AK5: variants seen among roughly 807,000 people sequenced by gnomAD.
AK5 encodes the protein adenylate kinase isoenzyme 5.
In AK5, 27 loss-of-function variants were observed where a neutral mutation model predicts 69.5. The observed-to-expected ratio is 0.39, with a 90% CI of 0.29 to 0.54. The LOEUF (loss-of-function observed/expected upper bound fraction) is 0.54, where lower values mean the gene tolerates loss of function less well. Among genes scored for constraint, AK5 ranks in the 20% least tolerant of loss-of-function variants. The pLI, the probability that AK5 is intolerant of heterozygous loss-of-function variation, is 0.71. For synonymous variants in AK5, 260 were observed against 244.4 expected (o/e 1.06, Z -0.60); for missense variants, 531 against 700.4 (o/e 0.76, Z 2.73).
At chr1:77,403,535 A>G (rs1649393433) in intron 6 of AK5, among the ~76,000 whole-genome samples, 1 of 152,188 alleles carries the variant, frequency 6.6e-6, no homozygotes, top group African/African-American at 2.4e-5. Flanking sequence ...TCTTCCCAGC[A>G]CCATTTATTA....
chr1:77,440,772 G>A (rs977248197), intron 8 of AK5, among the ~76,000 whole-genome samples: 2 of 150,624 alleles, frequency 1.3e-5, no homozygotes, highest in African/African-American at 2.5e-5. Context: ...TGTTTTTTGA[G>A]ACAGTCTCAC....
At chr1:77,496,103 G>A (rs1656299504) in intron 10 of AK5, among the ~76,000 whole-genome samples, 1 of 152,206 alleles carries the variant, frequency 6.6e-6, no homozygotes, top group Non-Finnish European at 1.5e-5. Context: ...AGAGGCACAG[G>A]CAATGGGGAG....
In AK5 at chr1:77,417,721, TA is replaced by T. The variant is rs766870364; in HGVS notation, c.1059+10del. 1 of 1,552,960 alleles carries T rather than the reference TA, an allele frequency of 6.4e-7. No homozygotes were observed. Among genetic ancestry groups the T allele is most frequent in the Non-Finnish European group, 8.9e-7 (1 of 1,129,834 alleles). ...GATCTGATTATGAAGATCAGGTAAT[TA>T]AAATCTGAAAATAGTTCTCTATTTA... On this transcript the variant is annotated splice_region_variant and intron_variant, in intron 8 of 13. Coordinates refer to ENST00000354567, the MANE Select transcript of AK5 (RefSeq NM_174858.3).
intron 7 of AK5, among the ~76,000 whole-genome samples, chr1:77,415,460 G>A (rs1183006764): frequency 1.3e-5 from 2 of 152,126 alleles, no homozygotes; most frequent in African/African-American, 4.8e-5. Flanking sequence ...GAATCCAATA[G>A]CTATCACCAC....
intron 8 of AK5, among the ~76,000 whole-genome samples, chr1:77,421,251 A>T (rs893763685): frequency 3.9e-5 from 6 of 152,102 alleles, no homozygotes; most frequent in Non-Finnish European, 7.4e-5. Context: ...TCAGACAACT[A>T]TATTATTATT....
intron 10 of AK5, among the ~76,000 whole-genome samples, chr1:77,510,829 C>G (rs965229227): frequency 2.6e-5 from 4 of 151,804 alleles, no homozygotes; most frequent in African/African-American, 9.7e-5. Context: ...TACTCAGATA[C>G]CATAGAGCCT....
chr1:77,367,160 T>C (rs976602261), intron 6 of AK5, among the ~76,000 whole-genome samples: 1 of 151,982 alleles, frequency 6.6e-6, no homozygotes, highest in Non-Finnish European at 1.5e-5. Flanking sequence ...ATTAATATAG[T>C]ATATGGGTTG....
At chr1:77,413,222 T>C (rs1048561691) in intron 7 of AK5, among the ~76,000 whole-genome samples, 1 of 152,070 alleles carries the variant, frequency 6.6e-6, no homozygotes, top group Non-Finnish European at 1.5e-5. Context: ...TCAAGTTCCT[T>C]CCTGCCTTAG....
intron 6 of AK5, among the ~76,000 whole-genome samples, chr1:77,371,698 C>T (rs1647125146): frequency 6.6e-6 from 1 of 152,078 alleles, no homozygotes; most frequent in Non-Finnish European, 1.5e-5. Flanking sequence ...TCCTCCTCTA[C>T]AGGTTATTAG....
At chr1:77,515,748 A>AT (rs1362872433) in intron 10 of AK5, among the ~76,000 whole-genome samples, 1 of 152,226 alleles carries the variant, frequency 6.6e-6, no homozygotes, top group Non-Finnish European at 1.5e-5. Context: ...GACCTTGATC[A>AT]TTAAAAAAAA....
At chr1:77,509,872 C>A (rs144017915) in intron 10 of AK5, among the ~76,000 whole-genome samples, 1 of 152,140 alleles carries the variant, frequency 6.6e-6, no homozygotes, top group African/African-American at 2.4e-5. Context: ...CCTCATTTTG[C>A]AGATAATAAT....
At chr1:77,390,202 T>A (rs1025641096) in intron 6 of AK5, among the ~76,000 whole-genome samples, 12 of 152,226 alleles carry the variant, frequency 7.9e-5, no homozygotes, top group African/African-American at 2.9e-4. Context: ...CTGACATTCC[T>A]ACCCAGGTAA....
chr1:77,464,902 A>C (rs970873693), intron 8 of AK5, among the ~76,000 whole-genome samples: 11 of 152,096 alleles, frequency 7.2e-5, no homozygotes, highest in African/African-American at 2.7e-4. Context: ...ATTTAGGAGA[A>C]CAAGGGAGAG....
chr1:77,311,272 G>C (rs1349921174), intron 5 of AK5, among the ~76,000 whole-genome samples: 5 of 152,046 alleles, frequency 3.3e-5, no homozygotes, highest in Admixed American at 2.0e-4. Flanking sequence ...TTGTGTCATG[G>C]ATATTCAGAA....
intron 12 of AK5, among the ~76,000 whole-genome samples, chr1:77,534,454 C>A (rs1658843092): frequency 6.6e-6 from 1 of 152,150 alleles, no homozygotes. Flanking sequence ...TCCCTGCACA[C>A]GGGGAACCTA....
At chr1:77,300,015 A>G (rs1346314019) in intron 5 of AK5, among the ~76,000 whole-genome samples, 7 of 152,158 alleles carry the variant, frequency 4.6e-5, no homozygotes, top group Non-Finnish European at 7.3e-5. Context: ...TTAATTTCGT[A>G]TTCACTTTAA....
chr1:77,519,111 G>A (rs1416172266), intron 11 of AK5, among the ~76,000 whole-genome samples: 1 of 152,226 alleles, frequency 6.6e-6, no homozygotes, highest in East Asian at 1.9e-4. Context: ...AGTTCTGGGA[G>A]GTATGATTAT....
intron 8 of AK5, among the ~76,000 whole-genome samples, chr1:77,463,981 G>A (rs1653994841): frequency 2.6e-5 from 4 of 152,234 alleles, no homozygotes. Flanking sequence ...ATGGGTTAAT[G>A]AGGAGGGAGC....
At chr1:77,475,195 ATGTG>A (rs756205351) in intron 8 of AK5, among the ~76,000 whole-genome samples, 8,159 of 28,346 alleles carry the variant, frequency 0.29, 412 homozygotes, top group Non-Finnish European at 0.37. Context: ...ATATATATAT[ATGTG>A]TGTGTGTGTG....
Sources: gnomAD v4.1 joint callset for allele counts (sites outside exome capture counted in the v4.1 genomes callset) on GRCh38, gnomAD v4.1.1 for gene constraint, MANE v1.5 for transcripts, NCBI Gene and HGNC (gene_info 2026-07-23, HGNC 2026-07-21) for gene names.